The following ASAP2 variants were observed in gnomAD, a reference collection of about 807,000 sequenced individuals.
ASAP2 encodes ArfGAP with SH3 domain, ankyrin repeat and PH domain 2.
ASAP2 carries 45 observed loss-of-function variants against 131.4 expected under a neutral mutation model. The observed-to-expected ratio is 0.34, with a 90% confidence interval of 0.27 to 0.44. The LOEUF is 0.44. ASAP2 is among the 20% of genes least tolerant of loss of function. The pLI, the probability that ASAP2 is intolerant of heterozygous loss-of-function variation, is 1.00. For synonymous variants in ASAP2, 510 were observed against 503.0 expected, an observed-to-expected ratio of 1.01 and a Z score of -0.19; for missense variants, 1,011 against 1,297.0, an observed-to-expected ratio of 0.78 and a Z score of 3.39.
Position 9,400,025 on chromosome 2 carries a change from C to T in ASAP2, c.2687C>T (p.Ala896Val). 6.2e-7 allele frequency: 1 copy of T among 1,613,288 alleles called. No homozygotes were observed. The highest frequency in any genetic ancestry group is 1.3e-5 in the African/African-American group (1 of 74,950). ...CTACTTTTTCCCTGTCTTTGTAGGG[C>T]TGACAAGTCCACCCCACTGACCAAC... is the stretch of plus-strand genomic sequence containing the variant. ...RLPQKKPAPG[A>V]DKSTPLTNKG... Residue 896 changes from alanine to valine, a missense_variant and splice_region_variant, in exon 25 of 28, where the codon GCT (alanine) becomes GTT (valine). By Grantham distance (64) the Ala-to-Val change is moderately conservative. Transcript: ENST00000281419.
At chr2:9,344,681 T>C in intron 10 of ASAP2, 46 bp downstream of exon 10, 2 of 1,612,852 alleles carry the variant, frequency 1.2e-6, no homozygotes. Flanking sequence ...GTTCGTTATC[T>C]TGTGTCCAAA....
At chr2:9,271,184 T>A (rs1666368676) in intron 1 of ASAP2, 1 of 564,026 alleles carries the variant, frequency 1.8e-6, no homozygotes, top group South Asian at 2.7e-5. Flanking sequence ...ATGGTTACAT[T>A]ATACAAGCTG....
intron 20 of ASAP2, among the ~76,000 whole-genome samples, chr2:9,383,285 CAG>C (rs1212579191): frequency 3.3e-5 from 5 of 152,028 alleles, no homozygotes; most frequent in Non-Finnish European, 5.9e-5. Context: ...TAAAAAAAGA[CAG>C]TGTCTCTCTG....
chr2:9,368,015 T>C (rs1673616620), intron 15 of ASAP2, among the ~76,000 whole-genome samples: 1 of 152,230 alleles, frequency 6.6e-6, no homozygotes, highest in Admixed American at 6.5e-5. Context: ...TTAGCTTTCC[T>C]GGCTCAGTGC....
chr2:9,333,771 C>T (rs943999416), intron 7 of ASAP2, among the ~76,000 whole-genome samples: 1 of 152,174 alleles, frequency 6.6e-6, no homozygotes, highest in Non-Finnish European at 1.5e-5. Flanking sequence ...AAGGGTTACA[C>T]ACAGCACCCT....
intron 4 of ASAP2, among the ~76,000 whole-genome samples, chr2:9,319,793 C>A (rs1446147216): frequency 6.6e-6 from 1 of 152,206 alleles, no homozygotes; most frequent in Admixed American, 6.5e-5. Flanking sequence ...TGTATGAAGT[C>A]CTGAATTGCA....
At chr2:9,305,220 G>A (rs1668798695) in intron 3 of ASAP2, among the ~76,000 whole-genome samples, 1 of 151,644 alleles carries the variant, frequency 6.6e-6, no homozygotes, top group Non-Finnish European at 1.5e-5. Flanking sequence ...ATAGATATTG[G>A]TTGACAGGCT....
Position 9,392,571 on chromosome 2 carries a change from C to T in ASAP2, c.2519-911C>T, listed in dbSNP as rs1006976383. Among the ~76,000 whole-genome samples the T allele has an allele frequency of 5.9e-5, 9 of 152,194 alleles. No individual in the cohort carries two copies. Among genetic ancestry groups the T allele is most frequent in the Admixed American group, 2.0e-4 (3 of 15,288 alleles). ...AGAAGGAACCACTTTCCTGCCTCTC[C>T]GTCTGGTGGTCCAGGGGCTGCATTT... is the stretch of plus-strand genomic sequence containing the variant. On this transcript the variant is annotated intron_variant, in intron 23 of 27. Transcript: ENST00000281419. The surrounding 1 kb of genome is among the most constrained non-coding windows in gnomAD (Gnocchi z 4.0).
chr2:9,369,308 C>G (rs1205843018), intron 16 of ASAP2, among the ~76,000 whole-genome samples: 3 of 152,078 alleles, frequency 2.0e-5, no homozygotes, highest in Non-Finnish European at 2.9e-5. Flanking sequence ...CGTGAGGCAC[C>G]GTGCCTGGCC....
chr2:9,335,280 C>A, intron 9 of ASAP2, 101 bp downstream of exon 9: 1 of 1,012,112 alleles, frequency 9.9e-7, no homozygotes, highest in Non-Finnish European at 1.5e-6. Flanking sequence ...GCTCACAGTT[C>A]ACTCGGGCTG....
Position 9,207,057 on chromosome 2 carries a change from G to A in ASAP2, c.-48G>A, listed in dbSNP as rs1405844132. The A allele has an allele frequency of 4.2e-6, 6 of 1,434,172 alleles. No individual in the cohort carries two copies. In the African/African-American group the frequency reaches 7.4e-5, roughly 18 times the overall value. The allele number at this position is 1,434,172 out of a possible 1,614,324, so 88.8% of individuals were successfully genotyped here. A position where few individuals can be genotyped will look rare whatever the true frequency, so the allele number is the denominator to read the frequency against. On this transcript the variant is annotated 5_prime_UTR_variant, in exon 1 of 28. Coordinates refer to ENST00000281419, the MANE Select transcript of ASAP2 (RefSeq NM_003887.3). The surrounding 1 kb of genome is among the most constrained non-coding windows in gnomAD (Gnocchi z 4.1). Reference sequence around the variant, plus strand: ...GGTCGGAGCCTGCTGCGGCAGTTGAGGCGGCGGCGCCCCTGCGGCTGTGCG... The same window carrying A: ...GGTCGGAGCCTGCTGCGGCAGTTGAAGCGGCGGCGCCCCTGCGGCTGTGCG...
At chr2:9,212,870 G>C (rs1300712640) in intron 1 of ASAP2, among the ~76,000 whole-genome samples, 1 of 152,192 alleles carries the variant, frequency 6.6e-6, no homozygotes, top group East Asian at 1.9e-4. Flanking sequence ...GTACACCACA[G>C]GCACGTGAGA....
At chr2:9,271,444 G>A (rs553362937) in intron 1 of ASAP2, 71 of 1,400,496 alleles carry the variant, frequency 5.1e-5, no homozygotes, top group Non-Finnish European at 6.0e-5. Flanking sequence ...CTTCTTAAAC[G>A]CCTTCACTGG....
intron 3 of ASAP2, among the ~76,000 whole-genome samples, chr2:9,303,273 C>T (rs905068175): frequency 2.0e-5 from 3 of 152,224 alleles, no homozygotes; most frequent in South Asian, 2.1e-4. Context: ...TGGGAATATC[C>T]GCCCTTGGAT....
At chr2:9,387,679 T>C (rs1027857026) in intron 21 of ASAP2, among the ~76,000 whole-genome samples, 4 of 152,230 alleles carry the variant, frequency 2.6e-5, no homozygotes, top group African/African-American at 9.6e-5. Flanking sequence ...AAATAGCTTA[T>C]ATTTTAAATC....
chr2:9,317,515 TCA>T (rs1669825156), intron 3 of ASAP2, among the ~76,000 whole-genome samples: 1 of 141,246 alleles, frequency 7.1e-6, no homozygotes, highest in South Asian at 2.4e-4. Context: ...ACCCCCACAA[TCA>T]CACCCCACAC....
At chr2:9,386,132 T>C (rs1043216005) in intron 21 of ASAP2, among the ~76,000 whole-genome samples, 1 of 151,888 alleles carries the variant, frequency 6.6e-6, no homozygotes, top group Non-Finnish European at 1.5e-5. Flanking sequence ...AAACACATTT[T>C]CATGGTTTGG....
In ASAP2 at chr2:9,311,446, C is replaced by T. The variant is rs1228544465; in HGVS notation, c.346-7078C>T. 1.3e-5 allele frequency among the ~76,000 whole-genome samples: 2 copies of T among 152,058 alleles called. No homozygotes were observed. Among genetic ancestry groups the T allele is most frequent in the Non-Finnish European group, 2.9e-5 (2 of 68,022 alleles). ...ATTAATAATTTGTATTCAGGTTGCA[C>T]TCGATGTTTTAAAAAGCCATTTTAC... On this transcript the variant is annotated intron_variant, in intron 3 of 27. Transcript: ENST00000281419. This position sits in a 1 kb window ranked among gnomAD's most constrained non-coding sequence, Gnocchi z 5.2.
At chr2:9,395,481 T>TA (rs1209408885) in intron 24 of ASAP2, among the ~76,000 whole-genome samples, 4 of 147,680 alleles carry the variant, frequency 2.7e-5, no homozygotes, top group African/African-American at 7.5e-5. Flanking sequence ...ATCTCAAAAA[T>TA]AAAAAAATAA....
Sources: allele counts gnomAD v4.1 joint callset (sites outside exome capture counted in the v4.1 genomes callset), GRCh38; gene constraint gnomAD v4.1.1; non-coding constraint Gnocchi (gnomAD v3.1); transcripts MANE v1.5; gene names NCBI Gene and HGNC (gene_info 2026-07-23, HGNC 2026-07-21).